QTMAN: variants seen among roughly 807,000 people sequenced by gnomAD.
The protein encoded by QTMAN is queuosine-tRNA mannosyltransferase.
At chr2:144,159,549 C>T in the QTMAN span, among the ~76,000 whole-genome samples, 2 of 151,998 alleles carry the variant, frequency 1.3e-5, no homozygotes, top group South Asian at 2.1e-4. Flanking sequence ...GTATTTTATG[C>T]CGTTACTTAG....
the QTMAN span, among the ~76,000 whole-genome samples, chr2:144,202,810 G>A: frequency 1.3e-5 from 2 of 152,106 alleles, no homozygotes; most frequent in African/African-American, 4.8e-5. Flanking sequence ...TGTATCCAGG[G>A]AGCCATATAG....
the QTMAN span, among the ~76,000 whole-genome samples, chr2:144,099,316 G>A: frequency 1.3e-5 from 2 of 152,240 alleles, no homozygotes; most frequent in East Asian, 1.9e-4. Context: ...TCAAAAACCA[G>A]TAAGTACTGT....
chr2:144,202,669 T>A, the QTMAN span, among the ~76,000 whole-genome samples: 1 of 152,194 alleles, frequency 6.6e-6, no homozygotes, highest in Non-Finnish European at 1.5e-5. Flanking sequence ...ATAATGATTG[T>A]CTTCCCTCTG....
the QTMAN span, chr2:144,295,337 G>A: frequency 6.6e-6 from 1 of 152,216 alleles, no homozygotes; most frequent in Non-Finnish European, 1.5e-5. Context: ...TAGAGATAGA[G>A]AGCACAGATG....
the QTMAN span, among the ~76,000 whole-genome samples, chr2:144,278,121 T>C: frequency 1.3e-5 from 2 of 152,144 alleles, no homozygotes; most frequent in Non-Finnish European, 2.9e-5. Flanking sequence ...GAGCAGAGCA[T>C]TAGGGTTCTG....
the QTMAN span, among the ~76,000 whole-genome samples, chr2:144,111,634 G>A: frequency 5.9e-5 from 9 of 152,098 alleles, no homozygotes; most frequent in South Asian, 2.1e-4. Flanking sequence ...CTACATCTCC[G>A]GAAGCTGGTG....
chr2:144,133,151 A>ATAT, the QTMAN span, among the ~76,000 whole-genome samples: 29 of 51,386 alleles, frequency 5.6e-4, no homozygotes, highest in African/African-American at 2.0e-3. Flanking sequence ...ATATATATAT[A>ATAT]ATATAATATA....
chr2:144,081,323 C>T, the QTMAN span, among the ~76,000 whole-genome samples: 186 of 152,174 alleles, frequency 1.2e-3, no homozygotes, highest in African/African-American at 4.3e-3. Context: ...AAGCTTTTTC[C>T]AACACCTAAT....
the QTMAN span, among the ~76,000 whole-genome samples, chr2:144,111,512 A>G: frequency 1.3e-5 from 2 of 152,162 alleles, no homozygotes; most frequent in African/African-American, 2.4e-5. Context: ...TCCTTCTGAC[A>G]CAGACCTATG....
the QTMAN span, among the ~76,000 whole-genome samples, chr2:144,150,374 G>C: frequency 6.6e-6 from 1 of 151,950 alleles, no homozygotes; most frequent in Non-Finnish European, 1.5e-5. Context: ...CTGTGATGCA[G>C]TATTTTCTAT....
chr2:144,056,767 G>C, the QTMAN span, among the ~76,000 whole-genome samples: 1 of 152,130 alleles, frequency 6.6e-6, no homozygotes, highest in East Asian at 1.9e-4. Flanking sequence ...AGAGTGAATC[G>C]AAGCTTTTCT....
chr2:144,088,803 C>T, the QTMAN span, among the ~76,000 whole-genome samples: 1 of 151,988 alleles, frequency 6.6e-6, no homozygotes, highest in Non-Finnish European at 1.5e-5. Context: ...TATCTCTCAA[C>T]ATACACAAAA....
the QTMAN span, among the ~76,000 whole-genome samples, chr2:144,154,363 C>T: frequency 6.6e-6 from 1 of 151,976 alleles, no homozygotes; most frequent in African/African-American, 2.4e-5. Flanking sequence ...GAGAGAGTGG[C>T]TAACATTAAG....
the QTMAN span, among the ~76,000 whole-genome samples, chr2:144,165,444 T>C: frequency 7.9e-5 from 12 of 152,200 alleles, no homozygotes; most frequent in East Asian, 2.1e-3. Flanking sequence ...ATTTCAAATT[T>C]TGGTTCTTGG....
chr2:144,077,407 C>T, the QTMAN span, among the ~76,000 whole-genome samples: 3 of 152,226 alleles, frequency 2.0e-5, no homozygotes, highest in African/African-American at 7.2e-5. Flanking sequence ...CATGAAAATA[C>T]TCACCATCCA....
chr2:144,252,376 G>A, the QTMAN span, among the ~76,000 whole-genome samples: 2 of 151,962 alleles, frequency 1.3e-5, no homozygotes, highest in South Asian at 4.1e-4. Flanking sequence ...AAGACCCTGT[G>A]TCTTTTAAAA....
chr2:143,950,573 AAG>A, the QTMAN span, among the ~76,000 whole-genome samples: 1 of 151,734 alleles, frequency 6.6e-6, no homozygotes, highest in African/African-American at 2.4e-5. Context: ...AATTCATCCA[AAG>A]AGGGAAAAAA....
At chr2:144,064,262 T>C in the QTMAN span, among the ~76,000 whole-genome samples, 1 of 151,986 alleles carries the variant, frequency 6.6e-6, no homozygotes, top group Non-Finnish European at 1.5e-5. Context: ...AAAGGAGAAA[T>C]GGTGGAAGCA....
chr2:144,256,228 G>A, the QTMAN span, among the ~76,000 whole-genome samples: 6 of 152,100 alleles, frequency 3.9e-5, no homozygotes, highest in African/African-American at 9.6e-5. Flanking sequence ...TGAGAAATTC[G>A]ACAGGCTTCC....
Sources: gnomAD v4.1 joint callset for allele counts (sites outside exome capture counted in the v4.1 genomes callset) on GRCh38, gnomAD v4.1.1 for gene constraint, MANE v1.5 for transcripts, NCBI Gene and HGNC (gene_info 2026-07-23, HGNC 2026-07-21) for gene names.